PDE11A: variants seen among roughly 807,000 people sequenced by gnomAD.
The protein encoded by PDE11A is dual 3',5'-cyclic-AMP and -GMP phosphodiesterase 11A.
A neutral mutation model predicts 100.5 loss-of-function variants in PDE11A; 100 were observed. The observed-to-expected ratio is 1.00, with a 90% CI of 0.85 to 1.18. The LOEUF (loss-of-function observed/expected upper bound fraction) is 1.18. PDE11A is among the 50% of genes most tolerant of loss of function. The pLI is 0.00. For missense variants in PDE11A, 1,141 were observed against 1,152.6 expected, an observed-to-expected ratio of 0.99 and a Z score of 0.15; for synonymous variants, 381 against 420.8, an observed-to-expected ratio of 0.91 and a Z score of 1.16.
chr2:177,884,021 G>A (rs1168742349), intron 4 of PDE11A, among the ~76,000 whole-genome samples: 1 of 152,216 alleles, frequency 6.6e-6, no homozygotes, highest in African/African-American at 2.4e-5. Context: ...CCAACTGGCA[G>A]CCAGAGGACA....
intron 2 of PDE11A, chr2:177,998,366 T>C: frequency 1.2e-6 from 1 of 819,952 alleles, no homozygotes; most frequent in South Asian, 1.3e-5. Flanking sequence ...GGCTGAACAA[T>C]GAACCTAAAG....
intron 13 of PDE11A, among the ~76,000 whole-genome samples, chr2:177,709,695 C>T (rs1279346557): frequency 2.0e-5 from 3 of 152,100 alleles, no homozygotes; most frequent in African/African-American, 4.8e-5. Context: ...GGACAGAGGC[C>T]TGAAACCAAC....
chr2:178,009,592 C>T (rs959319635), intron 2 of PDE11A, among the ~76,000 whole-genome samples: 2 of 152,216 alleles, frequency 1.3e-5, no homozygotes, highest in Non-Finnish European at 2.9e-5. Context: ...GTAAAATTTC[C>T]TGCATTGGAT....
At chr2:177,738,534 T>G (rs778494749) in intron 10 of PDE11A, among the ~76,000 whole-genome samples, 5 of 152,218 alleles carry the variant, frequency 3.3e-5, no homozygotes, top group Non-Finnish European at 7.3e-5. Flanking sequence ...GCTCAGAGAT[T>G]GCTGCCTTTT....
chr2:178,091,350 C>T (rs999919665), intron 2 of PDE11A, among the ~76,000 whole-genome samples: 1 of 152,126 alleles, frequency 6.6e-6, no homozygotes, highest in Non-Finnish European at 1.5e-5. Flanking sequence ...GGATTACAGG[C>T]GTGAGCCACT....
At chr2:177,961,093 C>A (rs1297458268) in intron 2 of PDE11A, among the ~76,000 whole-genome samples, 2 of 152,162 alleles carry the variant, frequency 1.3e-5, no homozygotes, top group East Asian at 3.8e-4. Context: ...CTTCCTCTTA[C>A]AAACAGCAGG....
At chr2:177,713,987 CTTTTTTTT>C (rs57211363) in intron 12 of PDE11A, among the ~76,000 whole-genome samples, 64 of 77,404 alleles carry the variant, frequency 8.3e-4, no homozygotes, top group African/African-American at 3.0e-3. Context: ...TTTCTTTTTT[CTTTTTTTT>C]TTTTTTTTTT....
At chr2:177,750,731 A>G (rs1055951889) in intron 10 of PDE11A, among the ~76,000 whole-genome samples, 18 of 152,250 alleles carry the variant, frequency 1.2e-4, no homozygotes, top group African/African-American at 4.3e-4. Flanking sequence ...CAGAAATTGT[A>G]CAGTAAAGGC....
intron 10 of PDE11A, among the ~76,000 whole-genome samples, chr2:177,765,547 G>C (rs2082227135): frequency 6.6e-6 from 1 of 152,232 alleles, no homozygotes; most frequent in Non-Finnish European, 1.5e-5. Context: ...TGGTCACACA[G>C]GTAGGAAGGG....
chr2:177,727,672 AC>A lies in PDE11A; in HGVS notation c.2028del (p.Met676IlefsTer5). On this transcript the variant is annotated frameshift_variant, in exon 12 of 20. Transcript: ENST00000286063. LOFTEE classifies it high-confidence loss of function. Reference protein sequence around the residue: ...WRHAFNVCQLMFAMLTTAGFQ... With the variant: ...WRHAFNVCQLXFAMLTTAGFQ... Reference sequence around the variant, plus strand: ...AGCACACTTACGGTTAACATCGCGAACATCAGCTGACACACGTTGAAGGCAT... The same window carrying A: ...AGCACACTTACGGTTAACATCGCGAAATCAGCTGACACACGTTGAAGGCAT... 6.3e-7 allele frequency: 1 copy of A among 1,594,694 alleles called. No individual in the cohort carries two copies. Among genetic ancestry groups the A allele is most frequent in the Non-Finnish European group, 8.6e-7 (1 of 1,162,342 alleles).
chr2:177,799,281 G>A (rs2082751086), intron 9 of PDE11A, among the ~76,000 whole-genome samples: 1 of 151,986 alleles, frequency 6.6e-6, no homozygotes, highest in Non-Finnish European at 1.5e-5. Context: ...GGGGATATTT[G>A]GTTAAGATTA....
chr2:177,749,524 T>A (rs750694971), intron 10 of PDE11A, among the ~76,000 whole-genome samples: 3 of 152,186 alleles, frequency 2.0e-5, no homozygotes, highest in Non-Finnish European at 4.4e-5. Flanking sequence ...GGGTAGTGAT[T>A]GTGAGATTAA....
Position 177,630,123 on chromosome 2 carries a change from T to C in PDE11A, c.2647-561A>G, listed in dbSNP as rs1266985320. On this transcript the variant is annotated intron_variant, in intron 19 of 19. Transcript: ENST00000286063. Reference sequence around the variant, plus strand: ...CAAAGCATGGAAACATGCATGGAAATAGACATGGCAGAAAGGGAAGCAGTG... The same window carrying C: ...CAAAGCATGGAAACATGCATGGAAACAGACATGGCAGAAAGGGAAGCAGTG... Among the ~76,000 whole-genome samples, 3 of 152,018 alleles carry C rather than the reference T, an allele frequency of 2.0e-5. No individual in the cohort carries two copies. The East Asian group carries it at 5.8e-4, about 29-fold the overall frequency.
intron 3 of PDE11A, among the ~76,000 whole-genome samples, chr2:177,900,349 T>G (rs375252928): frequency 9.8e-5 from 15 of 152,368 alleles, no homozygotes; most frequent in African/African-American, 3.6e-4. Context: ...TTCATCATGG[T>G]GCTGATCATC....
At chr2:178,075,372 C>T (rs1240883321), upstream of PDE11A, among the ~76,000 whole-genome samples, 5 of 151,624 alleles carry the variant, frequency 3.3e-5, no homozygotes, top group African/African-American at 4.8e-5. Flanking sequence ...CCCAATATGG[C>T]GAAACCCCAT....
intron 17 of PDE11A, 148 bp from the exon 18 acceptor site, chr2:177,669,715 TG>T: frequency 3.1e-6 from 2 of 641,932 alleles, no homozygotes; most frequent in Non-Finnish European, 5.6e-6. Context: ...CTTTCATGTT[TG>T]AAGGTGTTAT....
intron 2 of PDE11A, among the ~76,000 whole-genome samples, chr2:178,006,241 A>T (rs2086209339): frequency 6.6e-6 from 1 of 152,240 alleles, no homozygotes; most frequent in African/African-American, 2.4e-5. Flanking sequence ...AAACTATAAA[A>T]TGTTAGGAAA....
At chr2:177,720,404 A>G (rs1214408482) in intron 12 of PDE11A, among the ~76,000 whole-genome samples, 1 of 152,154 alleles carries the variant, frequency 6.6e-6, no homozygotes, top group African/African-American at 2.4e-5. Context: ...TAAGGGGAAG[A>G]ACAGGTATGC....
intron 2 of PDE11A, among the ~76,000 whole-genome samples, chr2:178,089,322 T>C (rs2087393867): frequency 6.6e-6 from 1 of 152,218 alleles, no homozygotes; most frequent in Non-Finnish European, 1.5e-5. Context: ...AAGAAGAGAC[T>C]ACTGCAATGA....
Sources: allele counts gnomAD v4.1 joint callset (sites outside exome capture counted in the v4.1 genomes callset), GRCh38; gene constraint gnomAD v4.1.1; transcripts MANE v1.5; gene names NCBI Gene and HGNC (gene_info 2026-07-23, HGNC 2026-07-21).